The following RELN variants were observed in gnomAD, a reference collection of about 807,000 sequenced individuals.
RELN encodes the protein reelin.
Under a neutral mutation model 427.6 loss-of-function variants are expected in RELN, and 108 were observed. The observed-to-expected ratio is 0.25, with a 90% confidence interval of 0.22 to 0.30. RELN has a LOEUF of 0.30. Ranked by LOEUF, RELN falls within the 10% of genes least tolerant of loss-of-function variation. The pLI, the probability that RELN is intolerant of heterozygous loss-of-function variation, is 1.00. For synonymous variants in RELN, 1,524 were observed against 1,513.4 expected (o/e 1.01, Z -0.16); for missense variants, 3,715 against 4,302.8 (o/e 0.86, Z 3.82).
At chr7:103,602,007 C>G (rs928298428) in intron 24 of RELN, among the ~76,000 whole-genome samples, 3 of 152,198 alleles carry the variant, frequency 2.0e-5, no homozygotes, top group Admixed American at 2.0e-4. Context: ...CCTGCGATGT[C>G]TGCCCACCCC....
At chr7:103,933,164 T>G (rs1260984473) in intron 1 of RELN, among the ~76,000 whole-genome samples, 5 of 152,096 alleles carry the variant, frequency 3.3e-5, no homozygotes, top group Admixed American at 6.6e-5. Flanking sequence ...CATAGAGTAT[T>G]TTCCCCATAC....
intron 9 of RELN, among the ~76,000 whole-genome samples, chr7:103,698,410 T>TA (rs1257247805): frequency 6.6e-6 from 1 of 152,170 alleles, no homozygotes; most frequent in Non-Finnish European, 1.5e-5. Flanking sequence ...ATGGCTTGTG[T>TA]AAAAAAATTA....
At chr7:103,806,035 C>T (rs1792590666) in intron 3 of RELN, among the ~76,000 whole-genome samples, 3 of 152,060 alleles carry the variant, frequency 2.0e-5, no homozygotes, top group South Asian at 4.1e-4. Flanking sequence ...GAGTTTTTAC[C>T]TATCTTGGAA....
At position 103,557,177 on chromosome 7, in the gene RELN, C is replaced by G. The variant is rs1161576436; in HGVS notation, c.5615-18G>C. 6.3e-7 allele frequency: 1 copy of G among 1,593,684 alleles called. No homozygotes were observed. The highest frequency in any genetic ancestry group is 8.6e-7 in the Non-Finnish European group (1 of 1,161,722). ...TGGGGTACCTAGGAAGAAGATAACA[C>G]AGGTATAAAACATACTGTGATAAAA... is the stretch of plus-strand genomic sequence containing the variant. On this transcript the variant is annotated intron_variant, in intron 37 of 64. Transcript: ENST00000428762.
At chr7:103,646,556 C>T (rs562309472) in intron 16 of RELN, among the ~76,000 whole-genome samples, 1 of 151,836 alleles carries the variant, frequency 6.6e-6, no homozygotes, top group Non-Finnish European at 1.5e-5. Flanking sequence ...ATACCTCCTC[C>T]TAAGATTGAA....
Position 103,603,156 on chromosome 7 carries a change from A to G in RELN, c.3333+148T>C. ...GAACAACAAGAATTTCCCAAGACAT[A>G]GCTAAGGAATAGGAATTTGATAGAG... On this transcript the variant is annotated intron_variant, in intron 24 of 64. Transcript: ENST00000428762. The surrounding 1 kb of genome is among the most constrained non-coding windows in gnomAD (Gnocchi z 4.3). The G allele has an allele frequency of 1.4e-6, 1 of 734,476 alleles. No individual in the cohort carries two copies. Among genetic ancestry groups the G allele is most frequent in the Non-Finnish European group, 2.4e-6 (1 of 409,170 alleles). 45.5% of individuals were successfully genotyped at this position (734,476 alleles called of 1,614,324 possible).
intron 58 of RELN, 83 bp downstream of exon 58, chr7:103,491,870 A>G: frequency 1.7e-6 from 1 of 572,916 alleles, no homozygotes; most frequent in South Asian, 1.9e-5. Context: ...ACACACACAC[A>G]CACACACACA....
chr7:103,577,679 G>C (rs1307365288), intron 28 of RELN, among the ~76,000 whole-genome samples: 1 of 152,052 alleles, frequency 6.6e-6, no homozygotes, highest in Admixed American at 6.6e-5. Context: ...GAAGTAAATG[G>C]AATTAATGTA....
At chr7:103,656,607 T>C (rs2191703) in intron 12 of RELN, among the ~76,000 whole-genome samples, 55,106 of 151,894 alleles carry the variant, frequency 0.36, 10,119 homozygotes, top group South Asian at 0.41. Flanking sequence ...TGACACACTG[T>C]TTTTATGTTT....
At chr7:103,756,363 A>G (rs1791154049) in intron 4 of RELN, among the ~76,000 whole-genome samples, 1 of 152,190 alleles carries the variant, frequency 6.6e-6, no homozygotes, top group Non-Finnish European at 1.5e-5. Flanking sequence ...AGCCAGATTT[A>G]AAATTCACTG....
intron 59 of RELN, among the ~76,000 whole-genome samples, chr7:103,490,467 T>A (rs1584223604): frequency 6.6e-6 from 1 of 152,308 alleles, no homozygotes; most frequent in South Asian, 2.1e-4. Flanking sequence ...ACAGACACAC[T>A]CCAATTTCCT....
intron 1 of RELN, among the ~76,000 whole-genome samples, chr7:103,927,814 T>A (rs1795779377): frequency 6.6e-6 from 1 of 152,136 alleles, no homozygotes; most frequent in African/African-American, 2.4e-5. Context: ...CAGGCGTGAA[T>A]AATTACCAGG....
chr7:103,805,259 A>C (rs947741543), intron 3 of RELN, among the ~76,000 whole-genome samples: 3 of 152,202 alleles, frequency 2.0e-5, no homozygotes, highest in Admixed American at 6.6e-5. Flanking sequence ...CAAATAAGGC[A>C]ACAGATGTGA....
At chr7:103,766,458 TA>T (rs1384779023) in intron 4 of RELN, among the ~76,000 whole-genome samples, 1 of 152,208 alleles carries the variant, frequency 6.6e-6, no homozygotes, top group Non-Finnish European at 1.5e-5. Flanking sequence ...AGATATTTAG[TA>T]ATATAAGCTG....
At chr7:103,777,149 T>C (rs1791764587) in intron 3 of RELN, among the ~76,000 whole-genome samples, 1 of 152,192 alleles carries the variant, frequency 6.6e-6, no homozygotes, top group Non-Finnish European at 1.5e-5. Flanking sequence ...TAAAATCACA[T>C]GAAGGAGATT....
chr7:103,494,865 TAGAA>T lies in RELN; in HGVS notation c.9369+854_9369+857del, dbSNP rs1429199597. ...ATATGAAGTCAGAGACACAAGAAAA[TAGAA>T]AGATACACTGGAAAAAAAATAGATG... On this transcript the variant is annotated intron_variant, in intron 57 of 64. Transcript: ENST00000428762. 2.7e-5 allele frequency among the ~76,000 whole-genome samples: 4 copies of T among 150,422 alleles called. No individual in the cohort carries two copies. In the East Asian group the frequency reaches 5.9e-4, roughly 22 times the overall value.
At chr7:103,914,530 A>G (rs993245315) in intron 2 of RELN, among the ~76,000 whole-genome samples, 2 of 152,116 alleles carry the variant, frequency 1.3e-5, no homozygotes, top group African/African-American at 4.8e-5. Context: ...TCAGTTTCCA[A>G]GATTATAATC....
At chr7:103,880,463 C>T (rs1794581138) in intron 2 of RELN, among the ~76,000 whole-genome samples, 1 of 152,092 alleles carries the variant, frequency 6.6e-6, no homozygotes. Context: ...TATATATATT[C>T]AATGTCCAGT....
chr7:103,568,584 T>C (rs1194751957), intron 31 of RELN, among the ~76,000 whole-genome samples: 1 of 152,128 alleles, frequency 6.6e-6, no homozygotes, highest in African/African-American at 2.4e-5. Flanking sequence ...TTGTCTTTAT[T>C]CTAGTCAAGT....
Sources: gnomAD v4.1 joint callset for allele counts (sites outside exome capture counted in the v4.1 genomes callset) on GRCh38, gnomAD v4.1.1 for gene constraint, Gnocchi (gnomAD v3.1) non-coding constraint, MANE v1.5 for transcripts, NCBI Gene and HGNC (gene_info 2026-07-23, HGNC 2026-07-21) for gene names.